Variants in PPP2R3A observed in about 807,000 individuals in gnomAD.
PPP2R3A encodes the protein serine/threonine-protein phosphatase 2A regulatory subunit B'' subunit alpha.
In PPP2R3A, 80 loss-of-function variants were observed where a neutral mutation model predicts 106.9. That is an observed-to-expected ratio of 0.75 (90% CI 0.62 to 0.90). The LOEUF is 0.90. Ranked by LOEUF, PPP2R3A falls within the 40% of genes least tolerant of loss-of-function variation. The pLI, the probability that PPP2R3A is intolerant of heterozygous loss-of-function variation, is 0.00. For missense variants in PPP2R3A, 1,386 were observed against 1,350.4 expected, an observed-to-expected ratio of 1.03 and a Z score of -0.41; for synonymous variants, 483 against 468.3, an observed-to-expected ratio of 1.03 and a Z score of -0.41.
At chr3:135,998,800 T>G (rs1343939832) in intron 1 of PPP2R3A, among the ~76,000 whole-genome samples, 1 of 152,254 alleles carries the variant, frequency 6.6e-6, no homozygotes, top group Non-Finnish European at 1.5e-5. Flanking sequence ...TATGTCTATT[T>G]TGACCTGGAA....
Position 136,110,401 on chromosome 3 carries a change from TA to T in PPP2R3A, c.3329+4089del, listed in dbSNP as rs551761679. 5.3e-3 allele frequency among the ~76,000 whole-genome samples: 786 copies of T among 149,712 alleles called. 5 individuals carry two copies. Among genetic ancestry groups the T allele is most frequent in the Middle Eastern group, 0.014 (4 of 292 alleles). The stretch of plus-strand genomic sequence containing the variant: ...AGTTTCTTAGAAATGAAAGTTTTAT[TA>T]AAAAAAAAATGCAGCCATTGGACTG... On this transcript the variant is annotated intron_variant, in intron 13 of 13. Coordinates refer to ENST00000264977, the MANE Select transcript of PPP2R3A (RefSeq NM_002718.5).
intron 10 of PPP2R3A, among the ~76,000 whole-genome samples, chr3:136,092,993 TA>T (rs1279993238): frequency 6.6e-6 from 1 of 152,222 alleles, no homozygotes; most frequent in Non-Finnish European, 1.5e-5. Flanking sequence ...GCTAATGCTA[TA>T]AAAAATTCAG....
intron 3 of PPP2R3A, among the ~76,000 whole-genome samples, chr3:136,028,638 GC>G (rs1934752020): frequency 2.0e-5 from 3 of 152,168 alleles, no homozygotes; most frequent in Non-Finnish European, 1.5e-5. Context: ...GTTCTTTAAG[GC>G]ATTCAGGGTT....
chr3:135,985,570 C>T (rs1932886748), intron 1 of PPP2R3A, among the ~76,000 whole-genome samples: 1 of 152,158 alleles, frequency 6.6e-6, no homozygotes, highest in Non-Finnish European at 1.5e-5. Flanking sequence ...AGTAGTCTTA[C>T]ACCTAATGTA....
intron 13 of PPP2R3A, among the ~76,000 whole-genome samples, chr3:136,113,267 G>A (rs1030685121): frequency 6.6e-6 from 1 of 152,110 alleles, no homozygotes; most frequent in African/African-American, 2.4e-5. Flanking sequence ...TACAAAAACA[G>A]ACACACAGAC....
chr3:136,095,966 C>T (rs551171352), intron 10 of PPP2R3A, among the ~76,000 whole-genome samples: 19 of 152,326 alleles, frequency 1.2e-4, no homozygotes, highest in African/African-American at 4.6e-4. Flanking sequence ...ACCTAACCTA[C>T]TGAACATTAT....
chr3:136,025,472 G>C (rs573131341), intron 2 of PPP2R3A, among the ~76,000 whole-genome samples: 1 of 152,032 alleles, frequency 6.6e-6, no homozygotes, highest in South Asian at 2.1e-4. Context: ...GTGTATTAAT[G>C]TCAGATATTA....
At chr3:136,070,357 G>A (rs35328261) in intron 5 of PPP2R3A, 121 bp from the exon 6 acceptor site, 7,805 of 637,026 alleles carry the variant, frequency 0.012, 67 homozygotes, top group Non-Finnish European at 0.015. Context: ...AATTTTAAGT[G>A]CATTATTCAT....
chr3:136,007,676 A>G (rs1576429552), intron 2 of PPP2R3A, among the ~76,000 whole-genome samples: 2 of 152,224 alleles, frequency 1.3e-5, no homozygotes, highest in Non-Finnish European at 2.9e-5. Flanking sequence ...TTGTTCCCAC[A>G]GGCTTTCTTA....
chr3:135,977,452 C>A (rs558033180), intron 1 of PPP2R3A, among the ~76,000 whole-genome samples: 1 of 152,170 alleles, frequency 6.6e-6, no homozygotes, highest in Non-Finnish European at 1.5e-5. Flanking sequence ...TGGTCATGAT[C>A]TGTAATCATT....
In PPP2R3A at chr3:136,011,974, T is replaced by TACACACAC. The variant is rs961223158; in HGVS notation, c.1995+8493_1995+8500dup. Among the ~76,000 whole-genome samples, 3 of 136,628 alleles carry TACACACAC rather than the reference T, an allele frequency of 2.2e-5. 1 individual carries two copies. The highest frequency in any genetic ancestry group is 4.6e-4 in the South Asian group (2 of 4,324). The allele number at this position is 136,628 out of a possible 152,430, so 89.6% of individuals were successfully genotyped here. ...CCCACCCACAATTACTGAGAAATCATACACACACACACACACACATACACA... is the reference window on the plus strand; with the variant it reads ...CCCACCCACAATTACTGAGAAATCATACACACACACACACACACACACACACATACACA... On this transcript the variant is annotated intron_variant, in intron 2 of 13. Transcript: ENST00000264977.
chr3:136,006,377 G>T (rs1001465194), intron 2 of PPP2R3A, among the ~76,000 whole-genome samples: 1 of 152,122 alleles, frequency 6.6e-6, no homozygotes, highest in African/African-American at 2.4e-5. Flanking sequence ...CTTCCTACTT[G>T]TCTTTTTTTA....
chr3:136,066,050 A>G (rs1936255647), intron 5 of PPP2R3A, among the ~76,000 whole-genome samples: 1 of 152,210 alleles, frequency 6.6e-6, no homozygotes, highest in Non-Finnish European at 1.5e-5. Context: ...GATGAAATGG[A>G]CAGTTTCCTA....
In PPP2R3A at chr3:136,001,394, G is replaced by A; in HGVS notation, c.-105G>A. 1 of 1,003,286 alleles carries A rather than the reference G, an allele frequency of 1.0e-6. No homozygotes were observed. The highest frequency in any genetic ancestry group is 1.5e-6 in the Non-Finnish European group (1 of 673,812). 62.1% of individuals were successfully genotyped at this position (1,003,286 alleles called of 1,614,324 possible). On this transcript the variant is annotated 5_prime_UTR_variant, in exon 2 of 14. An upstream open reading frame in the 5' UTR loses its in-frame stop. Transcript: ENST00000264977. ...GCCATTATATTTGGAAGAAACCACT[G>A]AACATTGTTATTAAATATATTTTCA...
intron 13 of PPP2R3A, among the ~76,000 whole-genome samples, chr3:136,126,428 G>A (rs537530654): frequency 5.9e-5 from 9 of 152,160 alleles, no homozygotes; most frequent in East Asian, 1.9e-4. Flanking sequence ...AGGGTTATCC[G>A]CCATTCCTGA....
intron 2 of PPP2R3A, among the ~76,000 whole-genome samples, chr3:136,008,006 AC>A (rs34968697): frequency 0.23 from 35,103 of 152,170 alleles, 4,859 homozygotes; most frequent in Non-Finnish European, 0.32. Flanking sequence ...GAAATAAAGA[AC>A]CTTCCTATGT....
In PPP2R3A at chr3:136,001,683, A is replaced by C. The variant is rs773672634; in HGVS notation, c.185A>C (p.Gln62Pro). 14 of 1,614,016 alleles carry C rather than the reference A, an allele frequency of 8.7e-6. No individual in the cohort carries two copies. Among genetic ancestry groups the C allele is most frequent in the Non-Finnish European group, 1.2e-5 (14 of 1,180,024 alleles). Residue 62 changes from glutamine to proline, a missense_variant, in exon 2 of 14, where the codon CAG (glutamine) becomes CCG (proline). Coordinates refer to ENST00000264977, the MANE Select transcript of PPP2R3A (RefSeq NM_002718.5). The part of the protein sequence containing the change: ...CADLLHIPVS[Q>P]FKDADLNSMF... ...GACCTCTTGCACATCCCTGTGTCTC[A>C]GTTCAAAGATGCAGATCTGAACTCT...
At position 135,979,256 on chromosome 3, in the gene PPP2R3A, G is replaced by T. The variant is rs919217571; in HGVS notation, c.-441+13407G>T. On this transcript the variant is annotated intron_variant, in intron 1 of 13. Coordinates refer to ENST00000264977, the MANE Select transcript of PPP2R3A (RefSeq NM_002718.5). The stretch of plus-strand genomic sequence containing the variant: ...TAGCCGGGTGTGATGGCACACACCT[G>T]CAATCCCAGCTACTCAGGAGGCTGA... Among the ~76,000 whole-genome samples the T allele has an allele frequency of 2.0e-5, 3 of 151,450 alleles. No homozygotes were observed. The South Asian group carries it at 6.2e-4, about 31-fold the overall frequency.
At chr3:136,099,762 A>T (rs1049469515) in intron 10 of PPP2R3A, among the ~76,000 whole-genome samples, 1 of 152,140 alleles carries the variant, frequency 6.6e-6, no homozygotes, top group Admixed American at 6.5e-5. Flanking sequence ...GGAAAAATTT[A>T]AAAATAGGTA....
Sources: allele counts gnomAD v4.1 joint callset (sites outside exome capture counted in the v4.1 genomes callset), GRCh38; gene constraint gnomAD v4.1.1; transcripts MANE v1.5; gene names NCBI Gene and HGNC (gene_info 2026-07-23, HGNC 2026-07-21).